The following ANK1 variants were observed in gnomAD, a reference collection of about 807,000 sequenced individuals.
ANK1 encodes ankyrin-1.
ANK1 carries 51 observed loss-of-function variants against 210.4 expected under a neutral mutation model. The observed-to-expected ratio is 0.24, with a 90% CI of 0.19 to 0.31. ANK1 has a LOEUF of 0.31. Among genes scored for constraint, ANK1 ranks in the 10% least tolerant of loss-of-function variants. The probability of loss-of-function intolerance (pLI) is 1.00; values close to 1 mark genes in which losing one functional copy is unlikely to be tolerated. For synonymous variants in ANK1, 967 were observed against 1,025.9 expected, an observed-to-expected ratio of 0.94 and a Z score of 1.10; for missense variants, 2,051 against 2,504.4, an observed-to-expected ratio of 0.82 and a Z score of 3.86.
intron 1 of ANK1, among the ~76,000 whole-genome samples, chr8:41,772,847 C>T (rs1843213365): frequency 6.6e-6 from 1 of 152,140 alleles, no homozygotes; most frequent in Admixed American, 6.5e-5. Context: ...ACTCTGGGCA[C>T]CACTGATAAG....
At chr8:41,769,540 T>A (rs535157681) in intron 1 of ANK1, among the ~76,000 whole-genome samples, 1 of 152,272 alleles carries the variant, frequency 6.6e-6, no homozygotes, top group African/African-American at 2.4e-5. Context: ...GATGAGTAAA[T>A]AATATATATA....
At chr8:41,696,912 C>T (rs761955989) in intron 24 of ANK1, 139 bp from the exon 25 acceptor site, 21 of 819,852 alleles carry the variant, frequency 2.6e-5, no homozygotes, top group Admixed American at 6.0e-5. Context: ...GGGACCCCAC[C>T]GCCCTGTCAG....
At chr8:41,795,785 T>C (rs1848630360) in intron 1 of ANK1, among the ~76,000 whole-genome samples, 1 of 152,090 alleles carries the variant, frequency 6.6e-6, no homozygotes, top group Non-Finnish European at 1.5e-5. Flanking sequence ...GAAGAGAGAT[T>C]GGTTATGCGT....
chr8:41,765,979 G>GGCCTCAT (rs1443559051), intron 1 of ANK1, among the ~76,000 whole-genome samples: 4 of 152,252 alleles, frequency 2.6e-5, no homozygotes, highest in Non-Finnish European at 5.9e-5. Context: ...GTTTTCCCTA[G>GGCCTCAT]GACAAATCAT....
Position 41,723,785 on chromosome 8 carries a change from ATTTTTTATTT to A in ANK1, c.712-162_712-153del. The A allele has an allele frequency of 8.5e-6, 4 of 468,970 alleles. No homozygotes were observed. The Admixed American group carries it at 1.2e-4, about 14-fold the overall frequency. The allele number at this position is 468,970 out of a possible 1,614,324, so 29.1% of individuals were successfully genotyped here. A position where few individuals can be genotyped will look rare whatever the true frequency, so the allele number is the denominator to read the frequency against. On this transcript the variant is annotated intron_variant, in intron 7 of 42. Coordinates refer to ENST00000289734, the MANE Select transcript of ANK1 (RefSeq NM_000037.4). ...GGCCTAAGATATTTTATTTTTTTTT[ATTTTTTATTT>A]TTTTTTTTTTTTGAGACGGAGTCTC...
At chr8:41,709,367 G>A (rs956974600) in intron 16 of ANK1, among the ~76,000 whole-genome samples, 1 of 152,210 alleles carries the variant, frequency 6.6e-6, no homozygotes, top group African/African-American at 2.4e-5. Context: ...CTTTCCCAGT[G>A]CAACTGGGCC....
chr8:41,745,080 C>T (rs1835761882), intron 2 of ANK1, among the ~76,000 whole-genome samples: 1 of 132,728 alleles, frequency 7.5e-6, no homozygotes, highest in African/African-American at 2.6e-5. Flanking sequence ...GGAACAGAGA[C>T]AGCGTGAGAA....
chr8:41,859,764 G>A (rs1307360077), intron 1 of ANK1, among the ~76,000 whole-genome samples: 4 of 152,228 alleles, frequency 2.6e-5, no homozygotes, highest in South Asian at 2.1e-4. Context: ...TGTTAAGCAC[G>A]GGGTTATGAA....
chr8:41,727,831 G>T, intron 4 of ANK1, 77 bp downstream of exon 4: 2 of 1,386,262 alleles, frequency 1.4e-6, no homozygotes, highest in Non-Finnish European at 2.1e-6. Flanking sequence ...GGCTGCCAAT[G>T]GACCCACGAG....
At chr8:41,812,510 C>G (rs1486119020) in intron 1 of ANK1, among the ~76,000 whole-genome samples, 1 of 152,204 alleles carries the variant, frequency 6.6e-6, no homozygotes, top group Non-Finnish European at 1.5e-5. Context: ...TAAAAGTTGT[C>G]TAGAGCAGTC....
intron 1 of ANK1, among the ~76,000 whole-genome samples, chr8:41,884,659 ACT>A (rs764888859): frequency 1.5e-4 from 23 of 152,114 alleles, no homozygotes; most frequent in Non-Finnish European, 2.4e-4. Flanking sequence ...ACATAGTGAG[ACT>A]CTGTCTCTAC....
intron 1 of ANK1, among the ~76,000 whole-genome samples, chr8:41,808,407 G>A (rs1284459373): frequency 6.6e-6 from 1 of 152,202 alleles, no homozygotes; most frequent in South Asian, 2.1e-4. Flanking sequence ...CCTCAAGCCT[G>A]TAATCCCAGC....
At chr8:41,767,266 AGCCCCG>A (rs1254312996) in intron 1 of ANK1, among the ~76,000 whole-genome samples, 1 of 151,582 alleles carries the variant, frequency 6.6e-6, no homozygotes, top group Non-Finnish European at 1.5e-5. Context: ...ACGGACGCAG[AGCCCCG>A]GCCCCGGCCC....
rs770347134 is a variant in ANK1, at chr8:41,780,648, T to C, written c.27+16864A>G. Among the ~76,000 whole-genome samples the C allele has an allele frequency of 1.0e-3, 152 of 152,376 alleles. 1 individual carries two copies. The highest frequency in any genetic ancestry group is 6.8e-3 in the Middle Eastern group (2 of 294). ...CAGCGCTGGCCGCCAAGGGAACATG[T>C]GTTCCATGGGCCACCCGGAGGGAAC... On this transcript the variant is annotated intron_variant, in intron 1 of 42. Transcript: ENST00000289734.
rs1281060953 is a variant in ANK1, at chr8:41,694,416, G to A, written c.3327+176C>T. Among the ~76,000 whole-genome samples, 1 of 152,204 alleles carries A rather than the reference G, an allele frequency of 6.6e-6. No individual in the cohort carries two copies. The highest frequency in any genetic ancestry group is 1.5e-5 in the Non-Finnish European group (1 of 68,038). On this transcript the variant is annotated intron_variant, in intron 28 of 42. Coordinates refer to ENST00000289734, the MANE Select transcript of ANK1 (RefSeq NM_000037.4). The surrounding 1 kb of genome is among the most constrained non-coding windows in gnomAD (Gnocchi z 5.7). ...CAGGGGTTCTGCAACTTATCAGGGA[G>A]CTTCCACCTCACCCCTTCCCACTTA...
chr8:41,805,144 C>G (rs575152738), intron 1 of ANK1, among the ~76,000 whole-genome samples: 10 of 151,368 alleles, frequency 6.6e-5, no homozygotes, highest in Non-Finnish European at 1.5e-4. Flanking sequence ...TTCTCTCTCT[C>G]TCATAGAGCT....
Position 41,694,637 on chromosome 8 carries a change from CGTT to C in ANK1, c.3279_3281del (p.Thr1094del). On this transcript the variant is annotated inframe_deletion, in exon 28 of 43. Coordinates refer to ENST00000289734, the MANE Select transcript of ANK1 (RefSeq NM_000037.4). This position sits in a 1 kb window ranked among gnomAD's most constrained non-coding sequence, Gnocchi z 5.7. ...TCTTGGTGACGGCATTCTCCGGGAACGTTGCCTGTACCAGGGGCACCAGCTTGC... is the reference window on the plus strand; with the variant it reads ...TCTTGGTGACGGCATTCTCCGGGAACGCCTGTACCAGGGGCACCAGCTTGC... 2 of 1,614,064 alleles carry C rather than the reference CGTT, an allele frequency of 1.2e-6. No homozygotes were observed. The highest frequency in any genetic ancestry group is 1.7e-6 in the Non-Finnish European group (2 of 1,180,024).
At chr8:41,808,703 G>T (rs1851334975) in intron 1 of ANK1, among the ~76,000 whole-genome samples, 1 of 152,132 alleles carries the variant, frequency 6.6e-6, no homozygotes, top group South Asian at 2.1e-4. Context: ...ATGAAAATAA[G>T]AATGTTTGCT....
chr8:41,796,664 A>G (rs1028653830), intron 1 of ANK1, among the ~76,000 whole-genome samples: 2 of 150,980 alleles, frequency 1.3e-5, no homozygotes, highest in African/African-American at 4.9e-5. Flanking sequence ...CAGAAGACGA[A>G]ATGCCCTGCC....
Sources: allele counts gnomAD v4.1 joint callset (sites outside exome capture counted in the v4.1 genomes callset), GRCh38; gene constraint gnomAD v4.1.1; non-coding constraint Gnocchi (gnomAD v3.1); transcripts MANE v1.5; gene names NCBI Gene and HGNC (gene_info 2026-07-23, HGNC 2026-07-21).